LRRC4C: variants seen among roughly 807,000 people sequenced by gnomAD.
LRRC4C encodes the protein leucine rich repeat containing 4C.
Under a neutral mutation model 33.6 loss-of-function variants are expected in LRRC4C, and 5 were observed. The ratio of observed to expected loss-of-function variants is 0.15; its 90% CI spans 0.08 to 0.31. LRRC4C has a LOEUF of 0.31. LRRC4C is among the 10% of genes least tolerant of loss of function. The pLI is 1.00. For missense variants in LRRC4C, 560 were observed against 796.7 expected, an observed-to-expected ratio of 0.70 and a Z score of 3.58; for synonymous variants, 329 against 302.0, an observed-to-expected ratio of 1.09 and a Z score of -0.93.
intron 1 of LRRC4C, among the ~76,000 whole-genome samples, chr11:41,114,876 A>T (rs757846785): frequency 5.9e-5 from 9 of 152,100 alleles, no homozygotes; most frequent in Non-Finnish European, 1.3e-4. Context: ...CTTAGTAAAT[A>T]AGTTTTTCAA....
chr11:40,387,491 G>A (rs899973479), intron 3 of LRRC4C, among the ~76,000 whole-genome samples: 4 of 152,158 alleles, frequency 2.6e-5, no homozygotes, highest in Middle Eastern at 3.4e-3. Flanking sequence ...CTCTTCAAGG[G>A]AAAAAATAAT....
At chr11:40,646,654 C>T (rs534948940) in intron 3 of LRRC4C, among the ~76,000 whole-genome samples, 2 of 152,142 alleles carry the variant, frequency 1.3e-5, no homozygotes, top group Non-Finnish European at 2.9e-5. Flanking sequence ...CCGCCCAGGC[C>T]GGACTGCAGT....
At chr11:41,198,704 C>T (rs1192723058) in intron 1 of LRRC4C, among the ~76,000 whole-genome samples, 1 of 151,854 alleles carries the variant, frequency 6.6e-6, no homozygotes, top group East Asian at 1.9e-4. Context: ...TTCACGGTGG[C>T]CCTCTTTAAG....
chr11:40,488,238 T>G (rs78331433), intron 3 of LRRC4C, among the ~76,000 whole-genome samples: 2 of 152,108 alleles, frequency 1.3e-5, no homozygotes, highest in African/African-American at 4.8e-5. Context: ...CTGGCTTAAC[T>G]CAAACCATTC....
chr11:40,994,926 C>G (rs931669012), intron 1 of LRRC4C, among the ~76,000 whole-genome samples: 10 of 151,968 alleles, frequency 6.6e-5, no homozygotes, highest in Non-Finnish European at 1.5e-4. Context: ...TCAACAGGAC[C>G]AGAAACTTGG....
chr11:40,142,161 A>C (rs1857412302), intron 5 of LRRC4C, among the ~76,000 whole-genome samples: 1 of 150,748 alleles, frequency 6.6e-6, no homozygotes, highest in Non-Finnish European at 1.5e-5. Context: ...GCACGCCTGT[A>C]GTCCCAGCTA....
intron 2 of LRRC4C, among the ~76,000 whole-genome samples, chr11:40,829,069 C>T (rs147518432): frequency 6.8e-4 from 104 of 151,910 alleles, no homozygotes; most frequent in Non-Finnish European, 1.1e-3. Flanking sequence ...CTACCTGATG[C>T]CCAGTAATGT....
intron 2 of LRRC4C, among the ~76,000 whole-genome samples, chr11:40,765,967 C>T (rs1191460751): frequency 1.3e-5 from 2 of 151,250 alleles, no homozygotes; most frequent in African/African-American, 2.4e-5. Context: ...TCAATATTCA[C>T]ATACAAGAAT....
At chr11:40,346,012 C>T (rs914024330) in intron 3 of LRRC4C, among the ~76,000 whole-genome samples, 1 of 152,120 alleles carries the variant, frequency 6.6e-6, no homozygotes, top group African/African-American at 2.4e-5. Flanking sequence ...CCATCTCACA[C>T]CAGTCAGAAT....
At chr11:40,430,002 C>G (rs1189786280) in intron 3 of LRRC4C, among the ~76,000 whole-genome samples, 4 of 152,154 alleles carry the variant, frequency 2.6e-5, no homozygotes, top group Non-Finnish European at 4.4e-5. Context: ...AAATGGCACC[C>G]TGCTTCATCT....
At chr11:41,174,363 C>T (rs1565450662) in intron 1 of LRRC4C, among the ~76,000 whole-genome samples, 2 of 152,042 alleles carry the variant, frequency 1.3e-5, no homozygotes, top group Non-Finnish European at 2.9e-5. Flanking sequence ...GATGCAAATG[C>T]CTCCTCTTGA....
chr11:40,319,038 T>C (rs529650595), intron 4 of LRRC4C, among the ~76,000 whole-genome samples: 1 of 152,320 alleles, frequency 6.6e-6, no homozygotes, highest in East Asian at 1.9e-4. Flanking sequence ...TGATGCAACC[T>C]CTAAAGAGCA....
At chr11:40,426,976 G>A (rs1950739946) in intron 3 of LRRC4C, among the ~76,000 whole-genome samples, 3 of 152,028 alleles carry the variant, frequency 2.0e-5, no homozygotes, top group South Asian at 2.1e-4. Context: ...CAGGTGAATT[G>A]GTTTCTGTAC....
intron 1 of LRRC4C, among the ~76,000 whole-genome samples, chr11:41,210,176 G>A (rs1001334385): frequency 6.6e-6 from 1 of 152,094 alleles, no homozygotes; most frequent in African/African-American, 2.4e-5. Context: ...AGTAGCCCAA[G>A]GAGACAAACA....
At chr11:41,426,453 T>C (rs1955046255) in intron 1 of LRRC4C, 1 of 152,166 alleles carries the variant, frequency 6.6e-6, no homozygotes, top group African/African-American at 2.4e-5. Context: ...CAAAGTAGTC[T>C]TATATTTTAG....
At chr11:40,666,234 G>A (rs1043469756) in intron 2 of LRRC4C, among the ~76,000 whole-genome samples, 5 of 152,044 alleles carry the variant, frequency 3.3e-5, no homozygotes, top group Admixed American at 6.6e-5. Flanking sequence ...GTTAACAAAT[G>A]TATCTCTACA....
intron 3 of LRRC4C, among the ~76,000 whole-genome samples, chr11:40,482,976 A>T (rs1344739971): frequency 6.6e-6 from 1 of 152,190 alleles, no homozygotes; most frequent in African/African-American, 2.4e-5. Flanking sequence ...TGGATTTTGG[A>T]TGCATATTGC....
intron 2 of LRRC4C, among the ~76,000 whole-genome samples, chr11:40,815,014 A>G (rs1332333092): frequency 6.6e-6 from 1 of 152,054 alleles, no homozygotes; most frequent in Non-Finnish European, 1.5e-5. Context: ...TCGCTTCCAC[A>G]TTTTTGGGTA....
intron 3 of LRRC4C, among the ~76,000 whole-genome samples, chr11:40,441,097 C>A (rs1951374287): frequency 6.6e-6 from 1 of 152,106 alleles, no homozygotes; most frequent in Admixed American, 6.5e-5. Context: ...TTTTTCTGGG[C>A]CATTCTGTTG....
Sources: allele counts gnomAD v4.1 joint callset (sites outside exome capture counted in the v4.1 genomes callset), GRCh38; gene constraint gnomAD v4.1.1; transcripts MANE v1.5; gene names NCBI Gene and HGNC (gene_info 2026-07-23, HGNC 2026-07-21).